Variants in FAXC observed in about 807,000 individuals in gnomAD.
FAXC encodes the protein failed axon connections homolog.
Under a neutral mutation model 41.9 loss-of-function variants are expected in FAXC, and 10 were observed. The ratio of observed to expected loss-of-function variants is 0.24; its 90% CI spans 0.15 to 0.41. FAXC has a LOEUF of 0.41. Among genes scored for constraint, FAXC ranks in the 10% least tolerant of loss-of-function variants. The pLI, the probability that FAXC is intolerant of heterozygous loss-of-function variation, is 1.00. For missense variants in FAXC, 399 were observed against 510.9 expected (o/e 0.78, Z 2.11); for synonymous variants, 183 against 183.8 (o/e 1.00, Z 0.03).
rs1196720528 is a variant in FAXC, at chr6:99,275,748, T to C, written c.*5416A>G. 1 of 152,200 alleles carries C rather than the reference T, an allele frequency of 6.6e-6. No individual in the cohort carries two copies. The highest frequency in any genetic ancestry group is 2.4e-5 in the African/African-American group (1 of 41,454). 9.4% of individuals were successfully genotyped at this position (152,200 alleles called of 1,614,324 possible). A position where few individuals can be genotyped will look rare whatever the true frequency, so the allele number is the denominator to read the frequency against. ...TAAGGAAACTTAAATATCCTTAAGA[T>C]ATTCTTGAAAGTCAGGGACCAAAAA... On this transcript the variant is annotated 3_prime_UTR_variant, in exon 6 of 6. Coordinates refer to ENST00000389677, the MANE Select transcript of FAXC (RefSeq NM_032511.4).
chr6:99,334,812 T>C (rs990642780), intron 2 of FAXC: 4 of 153,064 alleles, frequency 2.6e-5, no homozygotes, highest in African/African-American at 9.7e-5. Context: ...AACTACCCCT[T>C]TTCACACAGC....
At chr6:99,293,710 G>C (rs866767283) in intron 4 of FAXC, among the ~76,000 whole-genome samples, 25 of 101,246 alleles carry the variant, frequency 2.5e-4, no homozygotes, top group Admixed American at 1.5e-3. Context: ...GTGTGTGTGT[G>C]TGTCTGTGTG....
chr6:99,320,909 C>A (rs1772564893), intron 4 of FAXC, among the ~76,000 whole-genome samples: 1 of 152,230 alleles, frequency 6.6e-6, no homozygotes, highest in African/African-American at 2.4e-5. Flanking sequence ...TTGCCCCAGC[C>A]TGACTTGTGC....
At chr6:99,310,312 C>G (rs987391217) in intron 4 of FAXC, among the ~76,000 whole-genome samples, 9 of 152,244 alleles carry the variant, frequency 5.9e-5, no homozygotes, top group Non-Finnish European at 8.8e-5. Flanking sequence ...CAAACCAAGG[C>G]ACAGTGCCCT....
In FAXC at chr6:99,271,610, AAAT is replaced by A; in HGVS notation, c.*9551_*9553del. On this transcript the variant is annotated 3_prime_UTR_variant, in exon 6 of 6. Coordinates refer to ENST00000389677, the MANE Select transcript of FAXC (RefSeq NM_032511.4). ...TTGGGATACTCAACTGGTATAATGC[AAAT>A]ATTTCAAAATCTGAGAAAAACCCAG... The A allele has an allele frequency of 6.6e-6, 1 of 152,216 alleles. No homozygotes were observed. Among genetic ancestry groups the A allele is most frequent in the Non-Finnish European group, 1.5e-5 (1 of 68,042 alleles). The allele number at this position is 152,216 out of a possible 1,614,324, so 9.4% of individuals were successfully genotyped here.
intron 3 of FAXC, among the ~76,000 whole-genome samples, chr6:99,329,147 G>A (rs1772935319): frequency 3.3e-5 from 5 of 152,298 alleles, no homozygotes; most frequent in Admixed American, 2.6e-4. Flanking sequence ...AGCTGACAAG[G>A]CTAAGCAATT....
intron 4 of FAXC, among the ~76,000 whole-genome samples, chr6:99,300,590 G>C (rs1771667112): frequency 6.6e-6 from 1 of 152,168 alleles, no homozygotes; most frequent in Non-Finnish European, 1.5e-5. Flanking sequence ...TGAGATTTGA[G>C]GGCTATAAAA....
In FAXC at chr6:99,323,493, C is replaced by G. The variant is rs372636947; in HGVS notation, c.774G>C (p.Glu258Asp). 3 of 1,614,138 alleles carry G rather than the reference C, an allele frequency of 1.9e-6. No individual in the cohort carries two copies. Among genetic ancestry groups the G allele is most frequent in the Non-Finnish European group, 2.5e-6 (3 of 1,180,062 alleles). ...TGTCCTTCTCCATCAGCATGTAAAT[C>G]TCTTCCTCGGAGAAGCGGCCAATGC... ...GHGIGRFSEE[E>D]IYMLMEKDMR... is the part of the protein sequence containing the mutation. Residue 258 changes from glutamate to aspartate, a missense_variant, in exon 4 of 6, where the codon GAG (glutamate) becomes GAC (aspartate). Physicochemically the swap from Glu to Asp is conservative, Grantham distance 45 (BLOSUM62 2). Coordinates refer to ENST00000389677, the MANE Select transcript of FAXC (RefSeq NM_032511.4).
intron 4 of FAXC, among the ~76,000 whole-genome samples, chr6:99,298,275 T>C (rs1006059869): frequency 2.0e-5 from 3 of 151,578 alleles, no homozygotes; most frequent in Non-Finnish European, 4.4e-5. Flanking sequence ...CTCGTTATGT[T>C]CCCCAGGATG....
At chr6:99,332,154 A>C (rs1468586223) in intron 3 of FAXC, among the ~76,000 whole-genome samples, 2 of 152,178 alleles carry the variant, frequency 1.3e-5, no homozygotes, top group African/African-American at 2.4e-5. Context: ...AAGAATCAAA[A>C]GTAAAAAGAG....
In FAXC at chr6:99,278,054, GCT is replaced by G. The variant is rs1770693541; in HGVS notation, c.*3108_*3109del. ...TAACACCACAGTATACATGGGCAGG[GCT>G]CACTTGAGGAGTAGACTGCAGTCTG... is the stretch of plus-strand genomic sequence containing the variant. On this transcript the variant is annotated 3_prime_UTR_variant, in exon 6 of 6. Coordinates refer to ENST00000389677, the MANE Select transcript of FAXC (RefSeq NM_032511.4). The G allele has an allele frequency of 6.6e-6, 1 of 152,156 alleles. No homozygotes were observed. Among genetic ancestry groups the G allele is most frequent in the Admixed American group, 6.5e-5 (1 of 15,272 alleles). 9.4% of individuals were successfully genotyped at this position (152,156 alleles called of 1,614,324 possible).
intron 4 of FAXC, among the ~76,000 whole-genome samples, chr6:99,317,626 G>T (rs1772412790): frequency 6.6e-6 from 1 of 152,196 alleles, no homozygotes; most frequent in Non-Finnish European, 1.5e-5. Context: ...TTGTGTGATT[G>T]TTGGCAAGTC....
intron 3 of FAXC, among the ~76,000 whole-genome samples, chr6:99,329,277 T>G (rs1772940265): frequency 6.6e-6 from 1 of 152,200 alleles, no homozygotes. Flanking sequence ...AAGACTATCT[T>G]AGAACAGAGG....
rs1197054734 is a variant in FAXC, at chr6:99,279,943, T to C, written c.*1221A>G. 1 of 152,248 alleles carries C rather than the reference T, an allele frequency of 6.6e-6. No homozygotes were observed. The highest frequency in any genetic ancestry group is 1.5e-5 in the Non-Finnish European group (1 of 68,050). The allele number at this position is 152,248 out of a possible 1,614,324, so 9.4% of individuals were successfully genotyped here. On this transcript the variant is annotated 3_prime_UTR_variant, in exon 6 of 6. Transcript: ENST00000389677. ...TCCTCTTGCTACTTCATCTTTTCAATACATCTTTGCAAGGTTTGTTTTCAA... is the reference window on the plus strand; with the variant it reads ...TCCTCTTGCTACTTCATCTTTTCAACACATCTTTGCAAGGTTTGTTTTCAA...
intron 4 of FAXC, among the ~76,000 whole-genome samples, chr6:99,315,871 A>ATTTT (rs1161769411): frequency 1.3e-5 from 2 of 151,914 alleles, no homozygotes; most frequent in Non-Finnish European, 2.9e-5. Context: ...CTCACAACTG[A>ATTTT]AACTGTATTT....
rs1401086134 is a variant in FAXC at position 99,278,545 on chromosome 6, C to G, written c.*2619G>C. On this transcript the variant is annotated 3_prime_UTR_variant, in exon 6 of 6. Coordinates refer to ENST00000389677, the MANE Select transcript of FAXC (RefSeq NM_032511.4). ...AGCACCTGTTCATGAAATTGGAGAA[C>G]ATTTCAAATCTGGGTAGCTTAAGAA... 6.6e-6 allele frequency: 1 copy of G among 152,212 alleles called. No homozygotes were observed. The highest frequency in any genetic ancestry group is 1.5e-5 in the Non-Finnish European group (1 of 68,046). The allele number at this position is 152,212 out of a possible 1,614,324, so 9.4% of individuals were successfully genotyped here.
rs1770489176 is a variant in FAXC, at chr6:99,273,543, TGGTCCCAAA to T, written c.*7612_*7620del. 6.7e-6 allele frequency: 1 copy of T among 148,814 alleles called. No homozygotes were observed. Among genetic ancestry groups the T allele is most frequent in the Non-Finnish European group, 1.5e-5 (1 of 67,516 alleles). The allele number at this position is 148,814 out of a possible 1,614,324, so 9.2% of individuals were successfully genotyped here. ...AATTTTCAAGGCATTCTAGATCAAG[TGGTCCCAAA>T]AGCAGAATTAAAAACATCAGTCTTA... On this transcript the variant is annotated 3_prime_UTR_variant, in exon 6 of 6. Coordinates refer to ENST00000389677, the MANE Select transcript of FAXC (RefSeq NM_032511.4).
At chr6:99,345,796 T>G (rs1225224730) in intron 1 of FAXC, among the ~76,000 whole-genome samples, 2 of 152,194 alleles carry the variant, frequency 1.3e-5, no homozygotes, top group Non-Finnish European at 2.9e-5. Flanking sequence ...TCATTCAATT[T>G]ACAAACAAAA....
At chr6:99,335,257 A>C (rs1773175640) in intron 2 of FAXC, among the ~76,000 whole-genome samples, 2 of 152,210 alleles carry the variant, frequency 1.3e-5, no homozygotes, top group East Asian at 1.9e-4. Flanking sequence ...GAAAGTAAAA[A>C]ATTTCCTCTT....
Sources: gnomAD v4.1 joint callset for allele counts (sites outside exome capture counted in the v4.1 genomes callset) on GRCh38, gnomAD v4.1.1 for gene constraint, MANE v1.5 for transcripts, NCBI Gene and HGNC (gene_info 2026-07-23, HGNC 2026-07-21) for gene names.